The following LUM variants were observed in gnomAD, a reference collection of about 807,000 sequenced individuals.
LUM encodes KSPG lumican.
A neutral mutation model predicts 20.5 loss-of-function variants in LUM; 13 were observed. The observed-to-expected ratio is 0.63, with a 90% CI of 0.41 to 1.01. The LOEUF (loss-of-function observed/expected upper bound fraction) is 1.01. Ranked by LOEUF, LUM falls within the 50% of genes least tolerant of loss-of-function variation. The pLI, the probability that LUM is intolerant of heterozygous loss-of-function variation, is 0.00. For synonymous variants in LUM, 173 were observed against 151.5 expected (o/e 1.14, Z -1.04); for missense variants, 321 against 391.1 (o/e 0.82, Z 1.51).
At position 91,108,562 on chromosome 12, in the gene LUM, C is replaced by G; in HGVS notation, c.418G>C (p.Glu140Gln). 1 of 1,610,792 alleles carries G rather than the reference C, an allele frequency of 6.2e-7. No homozygotes were observed. Among genetic ancestry groups the G allele is most frequent in the Non-Finnish European group, 8.5e-7 (1 of 1,177,780 alleles). ...ESVGPLPKSL[E>Q]DLQLTHNKIT... is the part of the protein sequence containing the mutation. ...TTGTTATGAGTAAGCTGCAGATCCT[C>G]CAGAGATTTGGGAAGTGGGCCCACA... Residue 140 changes from glutamate to glutamine, a missense_variant, in exon 2 of 3, where the codon GAG becomes CAG. Coordinates refer to ENST00000266718, the MANE Select transcript of LUM (RefSeq NM_002345.4). This position sits in a 1 kb window ranked among gnomAD's most constrained non-coding sequence, Gnocchi z 4.2.
At chr12:91,106,690 T>TAAAAAAAAAAAAAAAA (rs374164456) in intron 2 of LUM, among the ~76,000 whole-genome samples, 15 of 90,596 alleles carry the variant, frequency 1.7e-4, no homozygotes, top group African/African-American at 6.9e-4. Context: ...ATTTTTCTTC[T>TAAAAAAAAAAAAAAAA]AAAAAAAAAA....
intron 1 of LUM, among the ~76,000 whole-genome samples, chr12:91,109,354 T>C (rs1365714804): frequency 6.6e-6 from 1 of 152,158 alleles, no homozygotes; most frequent in East Asian, 1.9e-4. Context: ...CTGCTTCAGA[T>C]CATCTCTCAA....
chr12:91,110,816 G>C (rs1306048189), intron 1 of LUM, among the ~76,000 whole-genome samples: 1 of 152,036 alleles, frequency 6.6e-6, no homozygotes, highest in South Asian at 2.1e-4. Flanking sequence ...AGAAAATGCT[G>C]TTTTCAAAAA....
intron 1 of LUM, among the ~76,000 whole-genome samples, chr12:91,110,676 T>C (rs991990638): frequency 1.3e-5 from 2 of 152,166 alleles, no homozygotes; most frequent in African/African-American, 4.8e-5. Context: ...GAAAAATGCT[T>C]CCATATTTTT....
intron 1 of LUM, among the ~76,000 whole-genome samples, chr12:91,109,471 G>A (rs1304110743): frequency 1.3e-5 from 2 of 152,116 alleles, no homozygotes; most frequent in African/African-American, 4.8e-5. Flanking sequence ...GGCAACCTGA[G>A]GTTTTGCTTG....
At chr12:91,106,791 C>T (rs543630625) in intron 2 of LUM, among the ~76,000 whole-genome samples, 5 of 150,462 alleles carry the variant, frequency 3.3e-5, no homozygotes, top group Admixed American at 3.3e-4. Context: ...TGGCCACACA[C>T]CATAACAGAG....
rs1423054256 is a variant in LUM at position 91,102,786 on chromosome 12, A to T, written c.*1379T>A. ...GTACCTAATGTAATATCCATCGCAC[A>T]TATCTGCCAGTCAACTCAGTCTCAA... On this transcript the variant is annotated 3_prime_UTR_variant, in exon 3 of 3. Transcript: ENST00000266718. 2 of 152,114 alleles carry T rather than the reference A, an allele frequency of 1.3e-5. No individual in the cohort carries two copies. Among genetic ancestry groups the T allele is most frequent in the Non-Finnish European group, 2.9e-5 (2 of 67,976 alleles). 9.4% of individuals were successfully genotyped at this position (152,114 alleles called of 1,614,324 possible).
intron 2 of LUM, among the ~76,000 whole-genome samples, chr12:91,105,684 A>C (rs987201119): frequency 6.6e-6 from 1 of 152,206 alleles, no homozygotes; most frequent in African/African-American, 2.4e-5. Context: ...GGAAACTATT[A>C]TGTTACCTTT....
At chr12:91,106,334 G>T (rs184907635) in intron 2 of LUM, among the ~76,000 whole-genome samples, 1 of 152,152 alleles carries the variant, frequency 6.6e-6, no homozygotes, top group South Asian at 2.1e-4. Flanking sequence ...AGATTATTTT[G>T]CAGACATTAT....
chr12:91,106,988 A>G (rs1363115716), intron 2 of LUM, among the ~76,000 whole-genome samples: 1 of 151,718 alleles, frequency 6.6e-6, no homozygotes, highest in East Asian at 1.9e-4. Flanking sequence ...CCTGGTTAAC[A>G]TGGTGAAACC....
At chr12:91,104,361 C>T (rs1373949299) in intron 2 of LUM, 42 bp from the exon 3 acceptor site, 1 of 1,409,808 alleles carries the variant, frequency 7.1e-7, no homozygotes, top group South Asian at 1.2e-5. Flanking sequence ...TTTTTCAGTA[C>T]ACTGGCTCAA....
rs1879950343 is a variant in LUM, at chr12:91,103,307, C to T, written c.*858G>A. On this transcript the variant is annotated 3_prime_UTR_variant, in exon 3 of 3. Coordinates refer to ENST00000266718, the MANE Select transcript of LUM (RefSeq NM_002345.4). ...ACCATTGTATATGAACCAGTAAAAA[C>T]ACCAGGAATGGGAATAATGACAAAT... 1 of 151,984 alleles carries T rather than the reference C, an allele frequency of 6.6e-6. No individual in the cohort carries two copies. The highest frequency in any genetic ancestry group is 2.4e-5 in the African/African-American group (1 of 41,410). 9.4% of individuals were successfully genotyped at this position (151,984 alleles called of 1,614,324 possible).
intron 2 of LUM, among the ~76,000 whole-genome samples, chr12:91,106,506 G>T (rs769352696): frequency 6.6e-6 from 1 of 151,882 alleles, no homozygotes; most frequent in African/African-American, 2.4e-5. Context: ...AATCTATACT[G>T]CTTAAGTTGA....
In LUM at chr12:91,103,367, T is replaced by C. The variant is rs1464190379; in HGVS notation, c.*798A>G. On this transcript the variant is annotated 3_prime_UTR_variant, in exon 3 of 3. Coordinates refer to ENST00000266718, the MANE Select transcript of LUM (RefSeq NM_002345.4). Reference sequence around the variant, plus strand: ...AGTTGTGAAATCTAAGTACCTATTATAGGTGTTTTTAAGAACTCTTTGTAA... The same window carrying C: ...AGTTGTGAAATCTAAGTACCTATTACAGGTGTTTTTAAGAACTCTTTGTAA... 1.3e-5 allele frequency: 2 copies of C among 152,080 alleles called. No individual in the cohort carries two copies. The highest frequency in any genetic ancestry group is 2.1e-4 in the South Asian group (1 of 4,834). The allele number at this position is 152,080 out of a possible 1,614,324, so 9.4% of individuals were successfully genotyped here. A position where few individuals can be genotyped will look rare whatever the true frequency, so the allele number is the denominator to read the frequency against.
intron 2 of LUM, among the ~76,000 whole-genome samples, chr12:91,106,533 C>G (rs1240264206): frequency 6.6e-6 from 1 of 151,588 alleles, no homozygotes; most frequent in East Asian, 1.9e-4. Flanking sequence ...TCCCTGAAGA[C>G]CACATAAGTG....
Position 91,107,199 on chromosome 12 carries a change from A to AAG in LUM, c.862+918_862+919insCT, listed in dbSNP as rs369300484. The stretch of plus-strand genomic sequence containing the variant: ...AACGAAAGAAAGAAAGAAGGAAAGA[A>AAG]AAAGAAAGAAAGAAAGAGAGAAAGA... On this transcript the variant is annotated intron_variant, in intron 2 of 2. Transcript: ENST00000266718. Among the ~76,000 whole-genome samples, 55 of 46,448 alleles carry AAG rather than the reference A, an allele frequency of 1.2e-3. 1 individual carries two copies. The East Asian group carries it at 0.028, about 23-fold the overall frequency. 30.5% of individuals were successfully genotyped at this position (46,448 alleles called of 152,430 possible).
intron 2 of LUM, among the ~76,000 whole-genome samples, chr12:91,105,780 C>T (rs1428065948): frequency 3.3e-5 from 5 of 152,214 alleles, no homozygotes. Context: ...ATAGACCTCT[C>T]TTCCATCCTT....
chr12:91,109,883 C>T (rs1243637712), intron 1 of LUM, among the ~76,000 whole-genome samples: 1 of 152,092 alleles, frequency 6.6e-6, no homozygotes, highest in African/African-American at 2.4e-5. Context: ...GTTTGCATAT[C>T]TGGCTTTTAG....
chr12:91,108,850 G>T lies in LUM; in HGVS notation c.130C>A (p.Pro44Thr), dbSNP rs1379050660. The T allele has an allele frequency of 1.2e-6, 2 of 1,613,744 alleles. No individual in the cohort carries two copies. The highest frequency in any genetic ancestry group is 2.7e-5 in the African/African-American group (2 of 74,808). Residue 44 changes from proline (P) to threonine (T), a missense_variant, in exon 2 of 3, where the codon CCT becomes ACT. Transcript: ENST00000266718. The surrounding 1 kb of genome is among the most constrained non-coding windows in gnomAD (Gnocchi z 4.2). Reference sequence around the variant, plus strand: ...TACATGGCACTTGGGTAGCTTTCAGGGCAGTTACATTCTGGTGCACAGTTT... The same window carrying T: ...TACATGGCACTTGGGTAGCTTTCAGTGCAGTTACATTCTGGTGCACAGTTT... ...SPNCAPECNC[P>T]ESYPSAMYCD...
Sources: gnomAD v4.1 joint callset for allele counts (sites outside exome capture counted in the v4.1 genomes callset) on GRCh38, gnomAD v4.1.1 for gene constraint, Gnocchi (gnomAD v3.1) non-coding constraint, MANE v1.5 for transcripts, NCBI Gene and HGNC (gene_info 2026-07-23, HGNC 2026-07-21) for gene names.